CRIM1: variants seen among roughly 807,000 people sequenced by gnomAD.
CRIM1 encodes the protein cysteine-rich motor neuron 1 protein.
A neutral mutation model predicts 116.4 loss-of-function variants in CRIM1; 32 were observed. The ratio of observed to expected loss-of-function variants is 0.27; its 90% CI spans 0.21 to 0.37. CRIM1 has a LOEUF of 0.37. CRIM1 is among the 10% of genes least tolerant of loss of function. The pLI is 1.00. For missense variants in CRIM1, 1,331 were observed against 1,354.8 expected (o/e 0.98, Z 0.28); for synonymous variants, 590 against 509.2 (o/e 1.16, Z -2.13).
intron 2 of CRIM1, among the ~76,000 whole-genome samples, chr2:36,435,005 T>C (rs1011656038): frequency 1.3e-5 from 2 of 152,208 alleles, no homozygotes; most frequent in African/African-American, 4.8e-5. Flanking sequence ...AAAGCCTTTA[T>C]CATAACCTGG....
intron 2 of CRIM1, among the ~76,000 whole-genome samples, chr2:36,428,073 A>C (rs1270077281): frequency 6.6e-6 from 1 of 152,248 alleles, no homozygotes; most frequent in African/African-American, 2.4e-5. Flanking sequence ...TTTTTCAGCT[A>C]GATTCTAAGC....
chr2:36,498,536 T>C (rs998470195), intron 7 of CRIM1, among the ~76,000 whole-genome samples: 2 of 152,214 alleles, frequency 1.3e-5, no homozygotes, highest in Non-Finnish European at 2.9e-5. Context: ...TTCATTAATA[T>C]GGTAAAGCGT....
At chr2:36,520,513 T>C (rs848523) in intron 12 of CRIM1, among the ~76,000 whole-genome samples, 71,019 of 152,062 alleles carry the variant, frequency 0.47, 17,256 homozygotes, top group East Asian at 0.82. Flanking sequence ...CCCATCTTAC[T>C]ATCTCTAACC....
At chr2:36,519,128 A>G (rs848524) in intron 12 of CRIM1, among the ~76,000 whole-genome samples, 128,861 of 152,218 alleles carry the variant, frequency 0.85, 54,816 homozygotes, top group East Asian at 0.99. Flanking sequence ...CTTAGGGATT[A>G]ACTAAGGGAG....
intron 13 of CRIM1, among the ~76,000 whole-genome samples, 175 bp from the exon 14 acceptor site, chr2:36,537,177 G>T (rs923801102): frequency 5.3e-5 from 8 of 152,190 alleles, no homozygotes; most frequent in African/African-American, 1.9e-4. Context: ...CAAGATGAGA[G>T]CCCTGAGGGT....
intron 4 of CRIM1, among the ~76,000 whole-genome samples, chr2:36,445,866 A>G (rs113838903): frequency 2.0e-5 from 3 of 152,308 alleles, no homozygotes; most frequent in African/African-American, 7.2e-5. Flanking sequence ...TGTGTGAGCC[A>G]TGTCAAATGT....
chr2:36,500,089 G>A (rs1248249996), intron 8 of CRIM1, among the ~76,000 whole-genome samples: 1 of 152,142 alleles, frequency 6.6e-6, no homozygotes, highest in Admixed American at 6.6e-5. Context: ...CACTCTGGGA[G>A]GCTAAGGCAG....
rs528159479 is a variant in CRIM1 at position 36,406,595 on chromosome 2, A to C, written c.505+9808A>C. Among the ~76,000 whole-genome samples, 7 of 150,212 alleles carry C rather than the reference A, an allele frequency of 4.7e-5. No homozygotes were observed. In the South Asian group the frequency reaches 1.5e-3, roughly 32 times the overall value. On this transcript the variant is annotated intron_variant, in intron 2 of 16. Coordinates refer to ENST00000280527, the MANE Select transcript of CRIM1 (RefSeq NM_016441.3). ...TGTTTTAAACTTGATAAGTCTTACTAGTTTAACTCTGCTAATATTTGACCC... is the reference window on the plus strand; with the variant it reads ...TGTTTTAAACTTGATAAGTCTTACTCGTTTAACTCTGCTAATATTTGACCC...
At chr2:36,527,372 C>CGTAT (rs1200091614) in intron 13 of CRIM1, among the ~76,000 whole-genome samples, 1 of 151,920 alleles carries the variant, frequency 6.6e-6, no homozygotes, top group Non-Finnish European at 1.5e-5. Flanking sequence ...TGTATTAATA[C>CGTAT]CTCTGTTTGA....
At chr2:36,516,067 C>A (rs557891888) in intron 11 of CRIM1, among the ~76,000 whole-genome samples, 1 of 152,272 alleles carries the variant, frequency 6.6e-6, no homozygotes, top group Admixed American at 6.5e-5. Flanking sequence ...GATACTGTCC[C>A]TGGGTCTAAG....
Position 36,544,036 on chromosome 2 carries a change from A to G in CRIM1, c.2624-340A>G, listed in dbSNP as rs200987850. 9.8e-5 allele frequency among the ~76,000 whole-genome samples: 15 copies of G among 152,338 alleles called. No homozygotes were observed. The East Asian group carries it at 2.7e-3, about 27-fold the overall frequency. ...AAAGAGCAGCAGCTATTAAACACCA[A>G]CATTTATTAGCTGCTGGAAAGTAAT... On this transcript the variant is annotated intron_variant, in intron 14 of 16. Transcript: ENST00000280527.
intron 5 of CRIM1, among the ~76,000 whole-genome samples, chr2:36,469,113 G>A (rs1380020866): frequency 6.6e-6 from 1 of 152,062 alleles, no homozygotes; most frequent in Non-Finnish European, 1.5e-5. Flanking sequence ...ATATATTGAG[G>A]CTAGCCCCCA....
At chr2:36,524,504 C>T (rs999039847) in intron 13 of CRIM1, among the ~76,000 whole-genome samples, 1 of 151,964 alleles carries the variant, frequency 6.6e-6, no homozygotes, top group Non-Finnish European at 1.5e-5. Flanking sequence ...GGAAATAGTT[C>T]ACAAGTCAAC....
chr2:36,438,636 C>A (rs1675532820), intron 2 of CRIM1, among the ~76,000 whole-genome samples: 1 of 152,110 alleles, frequency 6.6e-6, no homozygotes, highest in South Asian at 2.1e-4. Context: ...GGCTGTAGCT[C>A]CCATGAGACA....
chr2:36,512,518 C>G (rs982451909), intron 10 of CRIM1, 124 bp downstream of exon 10: 1 of 1,027,394 alleles, frequency 9.7e-7, no homozygotes, highest in African/African-American at 1.6e-5. Flanking sequence ...AAATGTCAGT[C>G]TCTGTGGGAC....
chr2:36,463,991 A>T (rs923336003), intron 4 of CRIM1, among the ~76,000 whole-genome samples: 10 of 152,350 alleles, frequency 6.6e-5, no homozygotes, highest in African/African-American at 2.2e-4. Flanking sequence ...ATATTGCTCA[A>T]GATGAGAGTG....
At chr2:36,539,876 A>T (rs1245203096) in intron 14 of CRIM1, among the ~76,000 whole-genome samples, 1 of 152,196 alleles carries the variant, frequency 6.6e-6, no homozygotes, top group Non-Finnish European at 1.5e-5. Flanking sequence ...AACTGAAAGT[A>T]GATCTACAAA....
intron 12 of CRIM1, among the ~76,000 whole-genome samples, chr2:36,517,940 C>T (rs1315614846): frequency 2.6e-5 from 4 of 152,090 alleles, no homozygotes; most frequent in Non-Finnish European, 5.9e-5. Context: ...ATAATGTAAA[C>T]AAAATTCTTT....
intron 1 of CRIM1, among the ~76,000 whole-genome samples, chr2:36,373,839 G>C (rs914279697): frequency 1.3e-5 from 2 of 152,136 alleles, no homozygotes; most frequent in African/African-American, 4.8e-5. Flanking sequence ...TGCGTGTCCT[G>C]GTAGTCTGTT....
Sources: gnomAD v4.1 joint callset for allele counts (sites outside exome capture counted in the v4.1 genomes callset) on GRCh38, gnomAD v4.1.1 for gene constraint, MANE v1.5 for transcripts, NCBI Gene and HGNC (gene_info 2026-07-23, HGNC 2026-07-21) for gene names.